The following MSRB3 variants were observed in gnomAD, a reference collection of about 807,000 sequenced individuals.
MSRB3 encodes the protein methionine sulfoxide reductase B3.
In MSRB3, 13 loss-of-function variants were observed where a neutral mutation model predicts 21.0. The observed-to-expected ratio is 0.62, with a 90% confidence interval of 0.40 to 0.98. The LOEUF (loss-of-function observed/expected upper bound fraction) is 0.98. MSRB3 is among the 50% of genes least tolerant of loss of function. The pLI, the probability that MSRB3 is intolerant of heterozygous loss-of-function variation, is 0.00. For synonymous variants in MSRB3, 87 were observed against 88.6 expected (o/e 0.98, Z 0.10); for missense variants, 199 against 230.3 (o/e 0.86, Z 0.88).
chr12:65,401,952 G>A (rs576043569), intron 5 of MSRB3, among the ~76,000 whole-genome samples: 59 of 152,280 alleles, frequency 3.9e-4, no homozygotes, highest in African/African-American at 1.4e-3. Flanking sequence ...ACTCTCTTCT[G>A]GCTTGTAGAG....
rs869050828 is a variant in MSRB3, at chr12:65,460,736, CTT to C, written c.391-2403_391-2402del. On this transcript the variant is annotated intron_variant, in intron 6 of 6. Transcript: ENST00000308259. Reference sequence around the variant, plus strand: ...TTCTAACTATAATTTCTCTTCCTCACTTTTTTTTTTTTTTTTTGCCTTGGATT... The same window carrying C: ...TTCTAACTATAATTTCTCTTCCTCACTTTTTTTTTTTTTTTGCCTTGGATT... Among the ~76,000 whole-genome samples the C allele has an allele frequency of 5.2e-3, 689 of 132,882 alleles. 1 individual carries two copies. The highest frequency in any genetic ancestry group is 0.017 in the African/African-American group (619 of 35,450). The allele number at this position is 132,882 out of a possible 152,430, so 87.2% of individuals were successfully genotyped here.
At chr12:65,404,959 C>CTT (rs762041398) in intron 5 of MSRB3, among the ~76,000 whole-genome samples, 15 of 142,304 alleles carry the variant, frequency 1.1e-4, no homozygotes, top group Admixed American at 2.1e-4. Flanking sequence ...TTCTACTCAA[C>CTT]TTTTTTTTTT....
chr12:65,310,208 C>T, intron 2 of MSRB3, among the ~76,000 whole-genome samples: 1 of 152,170 alleles, frequency 6.6e-6, no homozygotes, highest in East Asian at 1.9e-4. Flanking sequence ...CCCAACCACT[C>T]TTCTCAGTAT....
intron 4 of MSRB3, among the ~76,000 whole-genome samples, chr12:65,363,322 C>T (rs1251821309): frequency 3.3e-5 from 5 of 152,002 alleles, no homozygotes; most frequent in Admixed American, 3.3e-4. Flanking sequence ...CTTTTGGCTT[C>T]AATACACATA....
chr12:65,392,190 G>T (rs757946072), intron 5 of MSRB3, among the ~76,000 whole-genome samples: 1 of 152,052 alleles, frequency 6.6e-6, no homozygotes, highest in Non-Finnish European at 1.5e-5. Flanking sequence ...CTCTGCAGTT[G>T]GAGCCCAGAC....
chr12:65,431,694 C>T (rs1038482667), intron 5 of MSRB3, among the ~76,000 whole-genome samples: 1 of 151,936 alleles, frequency 6.6e-6, no homozygotes, highest in Non-Finnish European at 1.5e-5. Flanking sequence ...GGGAAGTGAA[C>T]ATGATACTTT....
chr12:65,382,185 T>C (rs917050441), intron 5 of MSRB3, among the ~76,000 whole-genome samples: 1 of 152,008 alleles, frequency 6.6e-6, no homozygotes, highest in African/African-American at 2.4e-5. Flanking sequence ...TGGTGAGAGA[T>C]AAAAGAGACA....
chr12:65,378,487 T>G (rs758928898), intron 5 of MSRB3, among the ~76,000 whole-genome samples: 2 of 152,184 alleles, frequency 1.3e-5, no homozygotes, highest in Non-Finnish European at 2.9e-5. Context: ...TGGTAGAAGA[T>G]AAGAGGGCAA....
In MSRB3 at chr12:65,338,431, T is replaced by C. The variant is rs80086205; in HGVS notation, c.263+9828T>C. 8.1e-3 allele frequency among the ~76,000 whole-genome samples: 1,229 copies of C among 152,316 alleles called. 18 individuals carry two copies. The highest frequency in any genetic ancestry group is 0.029 in the African/African-American group (1,188 of 41,556). ...GTTTTTAATATACTACTCCTGGAAC[T>C]TACTTTTGGTAGATGCTTGTTACAA... On this transcript the variant is annotated intron_variant, in intron 4 of 6. Transcript: ENST00000308259.
chr12:65,371,792 C>A (rs1878342754), intron 5 of MSRB3, among the ~76,000 whole-genome samples: 2 of 152,068 alleles, frequency 1.3e-5, no homozygotes, highest in South Asian at 2.1e-4. Context: ...TGAATGTATA[C>A]CAAATGATTA....
chr12:65,394,243 A>C (rs1310965610), intron 5 of MSRB3, among the ~76,000 whole-genome samples: 5 of 152,220 alleles, frequency 3.3e-5, no homozygotes, highest in Non-Finnish European at 7.4e-5. Context: ...AACTTCAAGC[A>C]AAATTTCAAG....
chr12:65,440,658 C>T lies in MSRB3; in HGVS notation c.293-13070C>T, dbSNP rs976714948. On this transcript the variant is annotated intron_variant, in intron 5 of 6. Coordinates refer to ENST00000308259, the MANE Select transcript of MSRB3 (RefSeq NM_001031679.3). Reference sequence around the variant, plus strand: ...GACTAAGGCTTCCAAACTTTTGTGCCACCCAACAGAGATTTCATAGGTGCC... The same window carrying T: ...GACTAAGGCTTCCAAACTTTTGTGCTACCCAACAGAGATTTCATAGGTGCC... 2.0e-5 allele frequency among the ~76,000 whole-genome samples: 3 copies of T among 151,798 alleles called. No homozygotes were observed. In the East Asian group the frequency reaches 5.8e-4, roughly 29 times the overall value.
chr12:65,459,697 C>T (rs1470997470), intron 6 of MSRB3, among the ~76,000 whole-genome samples: 1 of 152,096 alleles, frequency 6.6e-6, no homozygotes, highest in African/African-American at 2.4e-5. Context: ...GAGAAAATGA[C>T]AATAATAAAG....
rs771172361 is a variant in MSRB3 at position 65,326,891 on chromosome 12, A to C, written c.142A>C (p.Thr48Pro). 6.2e-7 allele frequency: 1 copy of C among 1,613,884 alleles called. No individual in the cohort carries two copies. The highest frequency in any genetic ancestry group is 8.5e-7 in the Non-Finnish European group (1 of 1,179,938). The change falls in exon 3 of 7, where the codon ACA (threonine) becomes CCA (proline). Residue 48 changes from threonine (T) to proline (P), a missense_variant. Thr to Pro is a conservative substitution (Grantham distance 38). Transcript: ENST00000308259. ...CCAGCAGGAACTGAGGAAGCGGCTAACACCCCTGCAGTACCATGTCACTCA... is the reference window on the plus strand; with the variant it reads ...CCAGCAGGAACTGAGGAAGCGGCTACCACCCCTGCAGTACCATGTCACTCA... ...FSQQELRKRL[T>P]PLQYHVTQEK...
chr12:65,307,467 G>T (rs186512132), intron 1 of MSRB3, among the ~76,000 whole-genome samples: 5 of 152,200 alleles, frequency 3.3e-5, no homozygotes. Context: ...TTTGGGGCGG[G>T]AAGCAGGGGA....
At chr12:65,288,877 A>G (rs1872533057) in intron 1 of MSRB3, among the ~76,000 whole-genome samples, 1 of 152,222 alleles carries the variant, frequency 6.6e-6, no homozygotes, top group Non-Finnish European at 1.5e-5. Flanking sequence ...TTTAAAAAGT[A>G]TCTTCTCTTG....
At chr12:65,396,704 A>AAGAAAG (rs775199611) in intron 5 of MSRB3, among the ~76,000 whole-genome samples, 1 of 54,156 alleles carries the variant, frequency 1.8e-5, no homozygotes, top group African/African-American at 6.7e-5. Flanking sequence ...AAAAAAAAAA[A>AAGAAAG]AAAGAAAGAA....
At chr12:65,354,624 G>A (rs183313646) in intron 4 of MSRB3, among the ~76,000 whole-genome samples, 3 of 151,558 alleles carry the variant, frequency 2.0e-5, no homozygotes, top group African/African-American at 2.4e-5. Context: ...TTAGCCATTC[G>A]TTTAATTTTT....
intron 1 of MSRB3, 40 bp downstream of exon 1, chr12:65,278,905 C>A: frequency 6.5e-7 from 1 of 1,543,650 alleles, no homozygotes; most frequent in Non-Finnish European, 8.8e-7. Flanking sequence ...CTCGCCTCAC[C>A]CCTCCCACCC....
Sources: gnomAD v4.1 joint callset for allele counts (sites outside exome capture counted in the v4.1 genomes callset) on GRCh38, gnomAD v4.1.1 for gene constraint, MANE v1.5 for transcripts, NCBI Gene and HGNC (gene_info 2026-07-23, HGNC 2026-07-21) for gene names.